Variants in ASTN2 observed in about 807,000 individuals in gnomAD.
The protein encoded by ASTN2 is astrotactin-2.
ASTN2 carries 54 observed loss-of-function variants against 139.8 expected under a neutral mutation model. The observed-to-expected ratio is 0.39, with a 90% CI of 0.31 to 0.48. The LOEUF (loss-of-function observed/expected upper bound fraction) is 0.48. ASTN2 is among the 20% of genes least tolerant of loss of function. ASTN2 has a pLI of 0.95. For missense variants in ASTN2, 1,565 were observed against 1,725.1 expected, an observed-to-expected ratio of 0.91 and a Z score of 1.64; for synonymous variants, 756 against 719.5, an observed-to-expected ratio of 1.05 and a Z score of -0.81.
chr9:116,623,449 A>C, intron 17 of ASTN2, among the ~76,000 whole-genome samples: 1 of 152,088 alleles, frequency 6.6e-6, no homozygotes, highest in East Asian at 1.9e-4. Context: ...GGGAGTCCTC[A>C]TAAGGCTGCA....
intron 19 of ASTN2, among the ~76,000 whole-genome samples, chr9:116,522,493 T>C (rs1329625465): frequency 6.6e-6 from 1 of 151,922 alleles, no homozygotes; most frequent in Non-Finnish European, 1.5e-5. Flanking sequence ...GAATGATACA[T>C]TGGACTTTGG....
At chr9:117,188,239 G>A (rs886896081) in intron 3 of ASTN2, among the ~76,000 whole-genome samples, 2 of 151,672 alleles carry the variant, frequency 1.3e-5, no homozygotes, top group Non-Finnish European at 2.9e-5. Context: ...CTGGTTGAAA[G>A]TGACTAGTTC....
chr9:116,720,005 T>C (rs921390502), intron 16 of ASTN2, among the ~76,000 whole-genome samples: 1 of 152,128 alleles, frequency 6.6e-6, no homozygotes, highest in Non-Finnish European at 1.5e-5. Flanking sequence ...CTTGTTGCCA[T>C]CTTAAAAGCA....
intron 11 of ASTN2, among the ~76,000 whole-genome samples, chr9:116,824,602 T>A (rs1831574897): frequency 6.6e-6 from 1 of 152,250 alleles, no homozygotes; most frequent in Admixed American, 6.5e-5. Context: ...TGACTGAGAC[T>A]TTGTAGAGGT....
intron 16 of ASTN2, among the ~76,000 whole-genome samples, chr9:116,724,949 T>C (rs1320161516): frequency 1.3e-5 from 2 of 152,182 alleles, no homozygotes; most frequent in Non-Finnish European, 2.9e-5. Flanking sequence ...TATGAGTACT[T>C]GATGTGGCAT....
rs1860970214 is a variant in ASTN2 at position 116,698,120 on chromosome 9, A to G, written c.2806+27651T>C. 3 of 1,614,134 alleles carry G rather than the reference A, an allele frequency of 1.9e-6. No individual in the cohort carries two copies. The highest frequency in any genetic ancestry group is 2.5e-6 in the Non-Finnish European group (3 of 1,180,040). On this transcript the variant is annotated intron_variant, in intron 16 of 22. Coordinates refer to ENST00000313400, the MANE Select transcript of ASTN2 (RefSeq NM_001365068.1). This position sits in a 1 kb window ranked among gnomAD's most constrained non-coding sequence, Gnocchi z 4.4. ...TGTTATGTGAGCCCTGCCGGGAGGC[A>G]GACCATCAGCCTCCTGGCCACTGTA...
rs372762635 is a variant in ASTN2 at position 116,434,825 on chromosome 9, G to GT, written c.3782+5783dup. ...CAGCTGTTTGCAGTAACCTGTGGTC[G>GT]TAAGAACCAGGCTCTGGGGGACACT... On this transcript the variant is annotated intron_variant, in intron 22 of 22. Coordinates refer to ENST00000313400, the MANE Select transcript of ASTN2 (RefSeq NM_001365068.1). Among the ~76,000 whole-genome samples, 940 of 152,264 alleles carry GT rather than the reference G, an allele frequency of 6.2e-3. 9 individuals carry two copies. The highest frequency in any genetic ancestry group is 0.021 in the African/African-American group (889 of 41,532).
At chr9:117,309,529 G>T (rs1827901394) in intron 1 of ASTN2, among the ~76,000 whole-genome samples, 1 of 152,194 alleles carries the variant, frequency 6.6e-6, no homozygotes, top group South Asian at 2.1e-4. Flanking sequence ...TGACCCAGAA[G>T]GCAGGAAGAT....
intron 10 of ASTN2, among the ~76,000 whole-genome samples, chr9:116,923,260 A>G (rs16934057): frequency 0.045 from 6,864 of 152,260 alleles, 464 homozygotes; most frequent in African/African-American, 0.15. Context: ...AATCACTTCT[A>G]ACATCTGGAG....
intron 5 of ASTN2, among the ~76,000 whole-genome samples, chr9:117,060,459 AG>A (rs767303817): frequency 0.32 from 27,867 of 88,404 alleles, 6,840 homozygotes; most frequent in East Asian, 0.45. Flanking sequence ...AAAGAAAGAA[AG>A]GAAGGAAGGA....
Position 116,440,610 on chromosome 9 carries a change from T to C in ASTN2, c.3781A>G (p.Arg1261Gly). 3.7e-6 allele frequency: 6 copies of C among 1,613,042 alleles called. No homozygotes were observed. Among genetic ancestry groups the C allele is most frequent in the Non-Finnish European group, 5.1e-6 (6 of 1,179,986 alleles). Residue 1261 changes from arginine (R) to glycine (G), a missense_variant and splice_region_variant, in exon 22 of 23, where the codon AGG becomes GGG. By Grantham distance (125) the Arg-to-Gly change is moderately radical (BLOSUM62 -2). This residue lies in a region of ASTN2 where 418 missense variants were observed against 465.8 expected (regional missense o/e 0.90). Transcript: ENST00000313400. ...VWRSEDELGPRKAHLILRRLE... is the reference protein window; with the variant it reads ...VWRSEDELGPGKAHLILRRLE... ...CCAATCACACAAATACGCCCATACCTGGGCCCCAGCTCATCCTCACTTCTC... is the reference window on the plus strand; with the variant it reads ...CCAATCACACAAATACGCCCATACCCGGGCCCCAGCTCATCCTCACTTCTC...
At chr9:117,338,864 G>A (rs1039462738) in intron 1 of ASTN2, among the ~76,000 whole-genome samples, 4 of 151,998 alleles carry the variant, frequency 2.6e-5, no homozygotes, top group South Asian at 2.1e-4. Context: ...ACCTGTCCAT[G>A]GGAACTCTCT....
chr9:116,893,159 T>TCACACACACACA (rs56263614), intron 10 of ASTN2, among the ~76,000 whole-genome samples: 12 of 149,344 alleles, frequency 8.0e-5, no homozygotes, highest in African/African-American at 3.0e-4. Context: ...TAAAGGTGTA[T>TCACACACACACA]CACACACACA....
chr9:116,919,176 G>A (rs552838130), intron 10 of ASTN2, among the ~76,000 whole-genome samples: 21 of 152,288 alleles, frequency 1.4e-4, no homozygotes, highest in African/African-American at 4.3e-4. Flanking sequence ...ATTATCATGT[G>A]AGGATCAGTT....
intron 16 of ASTN2, among the ~76,000 whole-genome samples, chr9:116,680,487 C>A (rs1372388259): frequency 3.9e-5 from 6 of 152,142 alleles, no homozygotes; most frequent in Admixed American, 2.0e-4. Flanking sequence ...CTATTCCAAT[C>A]AACAGAAAAA....
chr9:116,503,054 GAAGA>G (rs1218452867), intron 19 of ASTN2, among the ~76,000 whole-genome samples: 5 of 147,130 alleles, frequency 3.4e-5, no homozygotes, highest in African/African-American at 5.0e-5. Flanking sequence ...AGAAGGGAAG[GAAGA>G]AAGGAAGGAA....
chr9:116,651,937 G>A, intron 16 of ASTN2, 144 bp from the exon 17 acceptor site: 1 of 1,026,236 alleles, frequency 9.7e-7, no homozygotes, highest in Non-Finnish European at 1.4e-6. Flanking sequence ...TATTCATGAT[G>A]CCTTGGAAAG....
Position 117,141,264 on chromosome 9 carries a change from G to C in ASTN2, c.1168+62C>G, listed in dbSNP as rs375340433. 1.1e-5 allele frequency: 15 copies of C among 1,340,434 alleles called. No homozygotes were observed. In the Middle Eastern group the frequency reaches 6.4e-4, roughly 57 times the overall value. 83.0% of individuals were successfully genotyped at this position (1,340,434 alleles called of 1,614,324 possible). On this transcript the variant is annotated intron_variant, in intron 4 of 22. Coordinates refer to ENST00000313400, the MANE Select transcript of ASTN2 (RefSeq NM_001365068.1). ...AGGGAAGAATGCACAGATCTCCCTA[G>C]CATCTTTGGAATCAGAGGACAACCT...
chr9:117,303,625 T>C (rs928625792), intron 1 of ASTN2, among the ~76,000 whole-genome samples: 1 of 152,230 alleles, frequency 6.6e-6, no homozygotes, highest in African/African-American at 2.4e-5. Flanking sequence ...TTTATGCTCA[T>C]AGATCCATAT....
Sources: allele counts gnomAD v4.1 joint callset (sites outside exome capture counted in the v4.1 genomes callset), GRCh38; gene constraint gnomAD v4.1.1; regional missense constraint gnomAD v4.1.1; non-coding constraint Gnocchi (gnomAD v3.1); transcripts MANE v1.5; gene names NCBI Gene and HGNC (gene_info 2026-07-23, HGNC 2026-07-21).